EXOC6: variants seen among roughly 807,000 people sequenced by gnomAD.
EXOC6 encodes exocyst complex component 6.
In EXOC6, 60 loss-of-function variants were observed where a neutral mutation model predicts 112.5. That is an observed-to-expected ratio of 0.53 (90% CI 0.43 to 0.66). The LOEUF (loss-of-function observed/expected upper bound fraction) is 0.66. EXOC6 is among the 30% of genes least tolerant of loss of function. EXOC6 has a pLI of 0.00. For missense variants in EXOC6, 855 were observed against 957.1 expected (o/e 0.89, Z 1.41); for synonymous variants, 295 against 308.0 (o/e 0.96, Z 0.44).
intron 20 of EXOC6, among the ~76,000 whole-genome samples, chr10:93,038,414 C>T (rs9419765): frequency 0.13 from 19,671 of 152,088 alleles, 1,422 homozygotes; most frequent in African/African-American, 0.18. Context: ...GTAAATTAAG[C>T]CATCCTAGTC....
At chr10:92,896,179 ATATTTTTTTTTTTTTTTTTTTTTTT>A (rs1849808743) in intron 4 of EXOC6, among the ~76,000 whole-genome samples, 1 of 13,072 alleles carries the variant, frequency 7.6e-5, no homozygotes, top group African/African-American at 4.1e-4. Context: ...ATATATATAT[ATATTTTTTTTTTTTTTTTTTTTTTT>A]TTTTTTTTTT....
At chr10:92,938,312 A>G (rs964029327) in intron 12 of EXOC6, among the ~76,000 whole-genome samples, 5 of 152,104 alleles carry the variant, frequency 3.3e-5, no homozygotes, top group Non-Finnish European at 5.9e-5. Flanking sequence ...CTACTTTTTC[A>G]GTTTCTACAG....
At chr10:92,835,515 C>A (rs185573672) in intron 1 of EXOC6, among the ~76,000 whole-genome samples, 1 of 152,108 alleles carries the variant, frequency 6.6e-6, no homozygotes, top group Admixed American at 6.6e-5. Context: ...ATATTCATCA[C>A]TGAATTTGAT....
chr10:92,865,789 A>G (rs1439564089), intron 1 of EXOC6, among the ~76,000 whole-genome samples: 1 of 152,126 alleles, frequency 6.6e-6, no homozygotes, highest in Non-Finnish European at 1.5e-5. Flanking sequence ...AGCCTTACTG[A>G]TAACCTAACA....
Position 92,974,060 on chromosome 10 carries a change from G to A in EXOC6, c.1781G>A (p.Arg594Gln), listed in dbSNP as rs960354255. The A allele has an allele frequency of 2.5e-5, 39 of 1,586,614 alleles. No homozygotes were observed. The highest frequency in any genetic ancestry group is 4.6e-5 in the East Asian group (2 of 43,878). Residue 594 changes from arginine (R) to glutamine (Q), a missense_variant, in exon 18 of 22, where the codon CGA becomes CAA. Arg to Gln is a conservative substitution (Grantham distance 43, BLOSUM62 1). This residue lies in a region of EXOC6 where 450 missense variants were observed against 563.5 expected (regional missense o/e 0.80). Coordinates refer to ENST00000260762, the MANE Select transcript of EXOC6 (RefSeq NM_019053.6). ...LYGLSTFKDA[R>Q]HAAEGEIYTK... ...TATTTTGTCCCATGTCAGGATGCTCGACATGCAGCAGAAGGAGAAATATAT... is the reference window on the plus strand; with the variant it reads ...TATTTTGTCCCATGTCAGGATGCTCAACATGCAGCAGAAGGAGAAATATAT...
At chr10:93,011,437 T>A (rs1021672039) in intron 19 of EXOC6, among the ~76,000 whole-genome samples, 19 of 152,078 alleles carry the variant, frequency 1.2e-4, no homozygotes, top group African/African-American at 3.9e-4. Flanking sequence ...TTTTAATTTT[T>A]TTTTGTAGAG....
intron 1 of EXOC6, among the ~76,000 whole-genome samples, chr10:92,870,638 A>G (rs1384307592): frequency 7.2e-5 from 11 of 151,950 alleles, no homozygotes; most frequent in African/African-American, 7.2e-5. Context: ...CTTTGGATCA[A>G]TGTTACACTC....
chr10:92,848,408 GCGCCCCCGCGCCGCCGGCCCGAGCGCCC>G (rs1847140779), upstream of EXOC6: 13 of 721,352 alleles, frequency 1.8e-5, no homozygotes, highest in Non-Finnish European at 1.9e-5. Context: ...GGCGTTCCGC[GCGCCCCCGCGCCGCCGGCCCGAGCGCCC>G]CGCCCCCGCC....
At chr10:92,880,613 G>C (rs1848913657) in intron 1 of EXOC6, among the ~76,000 whole-genome samples, 1 of 152,020 alleles carries the variant, frequency 6.6e-6, no homozygotes, top group South Asian at 2.1e-4. Flanking sequence ...GAGTAAATTT[G>C]ATGTACATAT....
At chr10:93,011,544 G>T (rs1326205320) in intron 19 of EXOC6, among the ~76,000 whole-genome samples, 1 of 152,026 alleles carries the variant, frequency 6.6e-6, no homozygotes, top group African/African-American at 2.4e-5. Flanking sequence ...TTATAGGCAT[G>T]AGCCACCATG....
intron 1 of EXOC6, among the ~76,000 whole-genome samples, chr10:92,859,235 C>T (rs958277693): frequency 2.0e-5 from 3 of 152,268 alleles, no homozygotes; most frequent in Middle Eastern, 6.8e-3. Context: ...TGTTTGTGTG[C>T]TTGTTTAGTG....
chr10:93,045,029 C>A (rs950244291), intron 20 of EXOC6, among the ~76,000 whole-genome samples: 16 of 128,048 alleles, frequency 1.2e-4, no homozygotes, highest in African/African-American at 5.2e-4. Flanking sequence ...CCCGCCACCA[C>A]GCCCGGCTAA....
chr10:92,876,831 G>A (rs991112227), intron 1 of EXOC6, among the ~76,000 whole-genome samples: 1 of 152,078 alleles, frequency 6.6e-6, no homozygotes, highest in African/African-American at 2.4e-5. Flanking sequence ...CCCTATGCAT[G>A]CCCCTTTTCA....
At chr10:93,034,313 T>G (rs994328484) in intron 20 of EXOC6, among the ~76,000 whole-genome samples, 37 of 152,214 alleles carry the variant, frequency 2.4e-4, no homozygotes, top group African/African-American at 8.2e-4. Flanking sequence ...TGACAGTTTC[T>G]TCCACCAGTC....
chr10:92,893,913 T>C (rs181246480), intron 2 of EXOC6, among the ~76,000 whole-genome samples: 26 of 152,354 alleles, frequency 1.7e-4, no homozygotes, highest in Non-Finnish European at 1.5e-5. Flanking sequence ...TTTAATAATG[T>C]TAAAACTTTT....
intron 1 of EXOC6, among the ~76,000 whole-genome samples, chr10:92,853,428 A>C (rs1009619432): frequency 3.9e-5 from 6 of 152,240 alleles, no homozygotes; most frequent in Non-Finnish European, 7.3e-5. Context: ...TAAAGGACCT[A>C]GATTAGCCAA....
upstream of EXOC6, among the ~76,000 whole-genome samples, chr10:92,844,652 A>G (rs1373510179): frequency 3.9e-5 from 6 of 152,138 alleles, no homozygotes; most frequent in East Asian, 7.7e-4. Context: ...ATCAAAGAGG[A>G]GGCTAAAATG....
intron 17 of EXOC6, among the ~76,000 whole-genome samples, chr10:92,970,320 G>T (rs1376724575): frequency 6.6e-6 from 1 of 152,166 alleles, no homozygotes; most frequent in Non-Finnish European, 1.5e-5. Context: ...ACAATACAGT[G>T]TGACAACTAT....
chr10:92,935,992 G>C, intron 12 of EXOC6, 107 bp downstream of exon 12: 1 of 662,674 alleles, frequency 1.5e-6, no homozygotes, highest in Non-Finnish European at 2.5e-6. Context: ...TAAATTAGTA[G>C]TAATAAATGT....
Sources: gnomAD v4.1 joint callset for allele counts (sites outside exome capture counted in the v4.1 genomes callset) on GRCh38, gnomAD v4.1.1 for gene constraint, gnomAD v4.1.1 regional missense constraint, MANE v1.5 for transcripts, NCBI Gene and HGNC (gene_info 2026-07-23, HGNC 2026-07-21) for gene names.